RAB28: variants seen among roughly 807,000 people sequenced by gnomAD.
RAB28 encodes ras-related protein Rab-28.
RAB28 carries 24 observed loss-of-function variants against 31.7 expected under a neutral mutation model. That is an observed-to-expected ratio of 0.76 (90% CI 0.55 to 1.06). The LOEUF (loss-of-function observed/expected upper bound fraction) is 1.06, where lower values mean the gene tolerates loss of function less well. Ranked by LOEUF, RAB28 falls within the 50% of genes least tolerant of loss-of-function variation. The pLI, the probability that RAB28 is intolerant of heterozygous loss-of-function variation, is 0.00. For synonymous variants in RAB28, 100 were observed against 90.4 expected (o/e 1.11, Z -0.60); for missense variants, 254 against 258.5 (o/e 0.98, Z 0.12).
chr4:13,480,100 G>A (rs1350521595), intron 1 of RAB28, among the ~76,000 whole-genome samples: 1 of 151,534 alleles, frequency 6.6e-6, no homozygotes, highest in Non-Finnish European at 1.5e-5. Context: ...TTAAATAAAC[G>A]TATTTTTAAG....
chr4:13,459,491 T>C (rs2108959044), intron 4 of RAB28, among the ~76,000 whole-genome samples: 1 of 152,282 alleles, frequency 6.6e-6, no homozygotes, highest in Non-Finnish European at 1.5e-5. Context: ...CATGACTATA[T>C]TTGAAAACCT....
chr4:13,405,762 T>C (rs1712042890), intron 4 of RAB28, among the ~76,000 whole-genome samples: 1 of 152,168 alleles, frequency 6.6e-6, no homozygotes, highest in Admixed American at 6.5e-5. Context: ...ATAAACATTA[T>C]AGCTTTTCAT....
intron 4 of RAB28, among the ~76,000 whole-genome samples, chr4:13,403,947 T>G (rs1158769391): frequency 6.6e-6 from 1 of 152,222 alleles, no homozygotes; most frequent in African/African-American, 2.4e-5. Flanking sequence ...ATTGTCTCAA[T>G]TATAAAATAT....
At chr4:13,398,985 C>T (rs1263294719) in intron 4 of RAB28, among the ~76,000 whole-genome samples, 2 of 152,100 alleles carry the variant, frequency 1.3e-5, no homozygotes, top group Non-Finnish European at 2.9e-5. Context: ...ATAAGAATTG[C>T]ACTTACACAG....
At chr4:13,380,967 AT>A (rs1729104189) in intron 5 of RAB28, among the ~76,000 whole-genome samples, 2 of 151,926 alleles carry the variant, frequency 1.3e-5, no homozygotes, top group African/African-American at 4.8e-5. Flanking sequence ...TATAATCTTA[AT>A]TTTTAAAAAT....
chr4:13,452,749 G>A (rs1199783898), intron 4 of RAB28, among the ~76,000 whole-genome samples: 1 of 151,934 alleles, frequency 6.6e-6, no homozygotes, highest in South Asian at 2.1e-4. Flanking sequence ...TGTAGTTGTT[G>A]GGCAGGTGAA....
chr4:13,471,010 A>T (rs933860028), intron 3 of RAB28, among the ~76,000 whole-genome samples: 6 of 152,130 alleles, frequency 3.9e-5, no homozygotes, highest in Admixed American at 6.5e-5. Context: ...GAAATGCTTT[A>T]AAGAAACAGA....
intron 4 of RAB28, among the ~76,000 whole-genome samples, chr4:13,431,260 A>C (rs985949388): frequency 2.0e-5 from 3 of 152,182 alleles, no homozygotes; most frequent in Admixed American, 1.3e-4. Flanking sequence ...CCACAGCCAC[A>C]CTGAATCCAG....
At position 13,393,855 on chromosome 4, in the gene RAB28, C is replaced by CAAA. The variant is rs759509251; in HGVS notation, c.392-12264_392-12262dup. 1.2e-3 allele frequency among the ~76,000 whole-genome samples: 98 copies of CAAA among 79,326 alleles called. 2 individuals are homozygous for CAAA. Among genetic ancestry groups the CAAA allele is most frequent in the Middle Eastern group, 7.1e-3 (1 of 140 alleles). 52.0% of individuals were successfully genotyped at this position (79,326 alleles called of 152,430 possible). ...TGTAGAGCTATAAAATCACAGGCTA[C>CAAA]AAAAAAAAAAAAAAAAAAACAGTAC... is the stretch of plus-strand genomic sequence containing the variant. On this transcript the variant is annotated intron_variant, in intron 4 of 6. Coordinates refer to ENST00000330852, the MANE Select transcript of RAB28 (RefSeq NM_001017979.3).
At chr4:13,381,359 T>A in intron 5 of RAB28, 132 bp downstream of exon 5, 1 of 600,602 alleles carries the variant, frequency 1.7e-6, no homozygotes, top group Non-Finnish European at 3.0e-6. Context: ...ACATGTTATA[T>A]CTAATCTAAG....
chr4:13,406,487 A>G (rs772073550), intron 4 of RAB28, among the ~76,000 whole-genome samples: 7 of 152,060 alleles, frequency 4.6e-5, no homozygotes, highest in Non-Finnish European at 1.0e-4. Context: ...TTTATAGTAG[A>G]ATGATTTATA....
chr4:13,371,675 G>A lies in RAB28; in HGVS notation c.574-3025C>T, dbSNP rs1728718257. 8 of 1,489,666 alleles carry A rather than the reference G, an allele frequency of 5.4e-6. No individual in the cohort carries two copies. The East Asian group carries it at 7.5e-5, about 14-fold the overall frequency. 92.3% of individuals were successfully genotyped at this position (1,489,666 alleles called of 1,614,324 possible). ...GCAGATTCCAAATTTCACTTTCTAT[G>A]ATTAGAAAAACATAATTTCCATGTC... is the stretch of plus-strand genomic sequence containing the variant. On this transcript the variant is annotated intron_variant, in intron 6 of 6. Transcript: ENST00000330852.
chr4:13,380,242 C>A (rs1729074368), intron 5 of RAB28, among the ~76,000 whole-genome samples: 1 of 151,978 alleles, frequency 6.6e-6, no homozygotes, highest in African/African-American at 2.4e-5. Flanking sequence ...AAAGAATAAA[C>A]CCCCATCATA....
At chr4:13,455,659 T>A (rs1715261996) in intron 4 of RAB28, among the ~76,000 whole-genome samples, 1 of 152,192 alleles carries the variant, frequency 6.6e-6, no homozygotes, top group African/African-American at 2.4e-5. Context: ...GTGCTAGTAA[T>A]CCGGAGCAAG....
At chr4:13,368,741 G>T in intron 6 of RAB28, 91 bp from the exon 7 acceptor site, 1 of 1,066,168 alleles carries the variant, frequency 9.4e-7, no homozygotes, top group Non-Finnish European at 1.3e-6. Flanking sequence ...GAACTTTGCT[G>T]AACTTCTGAT....
intron 4 of RAB28, among the ~76,000 whole-genome samples, chr4:13,382,087 T>G (rs1729156346): frequency 6.6e-6 from 1 of 152,250 alleles, no homozygotes; most frequent in Non-Finnish European, 1.5e-5. Context: ...GCTTAAGAGA[T>G]CAATATTACA....
chr4:13,406,071 A>ATAC (rs1274907973), intron 4 of RAB28, among the ~76,000 whole-genome samples: 3 of 152,144 alleles, frequency 2.0e-5, no homozygotes, highest in Non-Finnish European at 4.4e-5. Flanking sequence ...TTACACAGGT[A>ATAC]TACATGTGCC....
At chr4:13,441,950 T>C (rs1449642524) in intron 4 of RAB28, among the ~76,000 whole-genome samples, 1 of 152,186 alleles carries the variant, frequency 6.6e-6, no homozygotes, top group South Asian at 2.1e-4. Context: ...ATCAGTCACA[T>C]CACGAACTCA....
chr4:13,439,780 G>A (rs1204952201), intron 4 of RAB28, among the ~76,000 whole-genome samples: 4 of 152,026 alleles, frequency 2.6e-5, no homozygotes, highest in East Asian at 3.9e-4. Flanking sequence ...TTTGTTACAT[G>A]AGCATATTGC....
Sources: allele counts gnomAD v4.1 joint callset (sites outside exome capture counted in the v4.1 genomes callset), GRCh38; gene constraint gnomAD v4.1.1; transcripts MANE v1.5; gene names NCBI Gene and HGNC (gene_info 2026-07-23, HGNC 2026-07-21).